Variants in PITPNM3 observed in about 807,000 individuals in gnomAD.
PITPNM3 encodes membrane-associated phosphatidylinositol transfer protein 3.
In PITPNM3, 26 loss-of-function variants were observed where a neutral mutation model predicts 102.0. The ratio of observed to expected loss-of-function variants is 0.25; its 90% CI spans 0.19 to 0.35. The LOEUF (loss-of-function observed/expected upper bound fraction) is 0.35, where lower values mean the gene tolerates loss of function less well. Among genes scored for constraint, PITPNM3 ranks in the 10% least tolerant of loss-of-function variants. The pLI, the probability that PITPNM3 is intolerant of heterozygous loss-of-function variation, is 1.00. For missense variants in PITPNM3, 1,083 were observed against 1,346.1 expected (o/e 0.80, Z 3.06); for synonymous variants, 578 against 558.6 (o/e 1.03, Z -0.49).
Position 6,553,631 on chromosome 17 carries a change from C to T in PITPNM3, c.22+2754G>A, listed in dbSNP as rs115928973. Among the ~76,000 whole-genome samples, 772 of 152,284 alleles carry T rather than the reference C, an allele frequency of 5.1e-3. 7 individuals carry two copies. Among genetic ancestry groups the T allele is most frequent in the African/African-American group, 0.017 (696 of 41,558 alleles). ...TTTCTCTCCGTGGGTGATCTACTGG[C>T]CAGATTTTAAAGGGAACATCTCACA... On this transcript the variant is annotated intron_variant, in intron 1 of 19. Coordinates refer to ENST00000262483, the MANE Select transcript of PITPNM3 (RefSeq NM_031220.4).
rs1904623282 is a variant in PITPNM3, at chr17:6,463,855, T to C, written c.2183A>G (p.Tyr728Cys). ...CATGCCCCTGGGCAACACCGTGAGG[T>C]AGCTCATGGCACAGGTCTGGTCGCC... is the stretch of plus-strand genomic sequence containing the variant. ...VRGDQTCAMS[Y>C]LTVLPRGMEC... The change falls in exon 17 of 20, where the codon TAC (tyrosine) becomes TGC (cysteine). Residue 728 changes from tyrosine (Y) to cysteine (C), a missense_variant. By Grantham distance (194) the Tyr-to-Cys change is radical. Around this residue, in one of 5 missense-constraint regions of PITPNM3, gnomAD observed 410 missense variants for 638.4 expected, o/e 0.64. Transcript: ENST00000262483. 1 of 1,613,980 alleles carries C rather than the reference T, an allele frequency of 6.2e-7. No homozygotes were observed. The highest frequency in any genetic ancestry group is 8.5e-7 in the Non-Finnish European group (1 of 1,179,992).
At chr17:6,530,775 T>C (rs1312168895) in intron 2 of PITPNM3, among the ~76,000 whole-genome samples, 1 of 152,148 alleles carries the variant, frequency 6.6e-6, no homozygotes, top group Non-Finnish European at 1.5e-5. Context: ...TGCTTATGCA[T>C]ATTCATGGAG....
rs750369385 is a variant in PITPNM3, at chr17:6,455,566, C to T, written c.2697G>A (p.Ser899=). ...AGCTGCCCTTGCGCAGGATCATGCG[C>T]GAGTTGTTCTTCTTTGGGCGTGAGC... ...SHRSRPKKNN[S]RMILRKGSFG... Residue 899 remains serine, a synonymous_variant, in exon 20 of 20, where the codon TCG becomes TCA. Coordinates refer to ENST00000262483, the MANE Select transcript of PITPNM3 (RefSeq NM_031220.4). The T allele has an allele frequency of 3.7e-6, 6 of 1,601,086 alleles. No homozygotes were observed. In the East Asian group the frequency reaches 1.3e-4, roughly 36 times the overall value.
intron 1 of PITPNM3, among the ~76,000 whole-genome samples, chr17:6,541,355 C>T (rs1358940810): frequency 2.0e-5 from 3 of 147,904 alleles, no homozygotes; most frequent in African/African-American, 7.6e-5. Flanking sequence ...GTGGGATGGA[C>T]CGGGCAAAAT....
Position 6,451,884 on chromosome 17 carries a change from C to G in PITPNM3, c.*3454G>C, listed in dbSNP as rs879056505. The G allele has an allele frequency of 8.5e-4, 67 of 78,628 alleles. 11 individuals are homozygous for G. The highest frequency in any genetic ancestry group is 2.6e-3 in the Admixed American group (19 of 7,340). 4.9% of individuals were successfully genotyped at this position (78,628 alleles called of 1,614,324 possible). A position where few individuals can be genotyped will look rare whatever the true frequency, so the allele number is the denominator to read the frequency against. On this transcript the variant is annotated 3_prime_UTR_variant, in exon 20 of 20. Coordinates refer to ENST00000262483, the MANE Select transcript of PITPNM3 (RefSeq NM_031220.4). ...CACTTGGCACCCAAACCCCCCCCCC[C>G]CGCCCGCCGATGGGATTCGGTGGGA...
Position 6,457,724 on chromosome 17 carries a change from T to C in PITPNM3, c.2491-2A>G. The C allele has an allele frequency of 1.3e-6, 2 of 1,580,898 alleles. No homozygotes were observed. The highest frequency in any genetic ancestry group is 1.7e-6 in the Non-Finnish European group (2 of 1,162,912). On this transcript the variant is annotated splice_acceptor_variant, in intron 18 of 19. Coordinates refer to ENST00000262483, the MANE Select transcript of PITPNM3 (RefSeq NM_031220.4). LOFTEE classifies it high-confidence loss of function. The surrounding 1 kb of genome is among the most constrained non-coding windows in gnomAD (Gnocchi z 4.7). The stretch of plus-strand genomic sequence containing the variant: ...GGCCGCACTGATTTTGATGAAGCAC[T>C]GAAACACAGGGCAGGCATAGGGGGA...
In PITPNM3 at chr17:6,468,132, G is replaced by A. The variant is rs563880087; in HGVS notation, c.1890+93C>T. ...CTGAGCTCTGAGGACAAATTGAAGC[G>A]CTTACCTCCCATGTGGATGCCCCAG... On this transcript the variant is annotated intron_variant, in intron 14 of 19. Coordinates refer to ENST00000262483, the MANE Select transcript of PITPNM3 (RefSeq NM_031220.4). This position sits in a 1 kb window ranked among gnomAD's most constrained non-coding sequence, Gnocchi z 5.2. The A allele has an allele frequency of 9.7e-5, 119 of 1,220,904 alleles. No individual in the cohort carries two copies. Among genetic ancestry groups the A allele is most frequent in the South Asian group, 3.6e-5 (3 of 82,694 alleles). 75.6% of individuals were successfully genotyped at this position (1,220,904 alleles called of 1,614,324 possible). A position where few individuals can be genotyped will look rare whatever the true frequency, so the allele number is the denominator to read the frequency against.
intron 3 of PITPNM3, among the ~76,000 whole-genome samples, chr17:6,513,752 A>G (rs1464983042): frequency 6.6e-6 from 1 of 152,232 alleles, no homozygotes; most frequent in African/African-American, 2.4e-5. Flanking sequence ...ATCCCTATCA[A>G]AATCCCCACT....
chr17:6,516,790 G>A (rs547509216), intron 3 of PITPNM3, among the ~76,000 whole-genome samples: 29 of 152,232 alleles, frequency 1.9e-4, no homozygotes, highest in Middle Eastern at 3.4e-3. Flanking sequence ...AGCACTTTGG[G>A]AGGCCGAGGT....
At chr17:6,548,752 G>C (rs910971443) in intron 1 of PITPNM3, among the ~76,000 whole-genome samples, 9 of 152,138 alleles carry the variant, frequency 5.9e-5, no homozygotes, top group African/African-American at 2.2e-4. Flanking sequence ...CAGGAGTGCA[G>C]GACGTGACGT....
chr17:6,475,940 G>A (rs566747481), intron 9 of PITPNM3, among the ~76,000 whole-genome samples: 36 of 152,250 alleles, frequency 2.4e-4, no homozygotes, highest in African/African-American at 6.3e-4. Flanking sequence ...CTTCCTCCAG[G>A]AATCCATCCA....
chr17:6,556,309 G>T lies in PITPNM3; in HGVS notation c.22+76C>A. 1 of 1,284,176 alleles carries T rather than the reference G, an allele frequency of 7.8e-7. No individual in the cohort carries two copies. The highest frequency in any genetic ancestry group is 1.0e-6 in the Non-Finnish European group (1 of 974,912). 79.5% of individuals were successfully genotyped at this position (1,284,176 alleles called of 1,614,324 possible). A position where few individuals can be genotyped will look rare whatever the true frequency, so the allele number is the denominator to read the frequency against. ...CCCACCTGCGCGAGGGGTTCACCTG[G>T]GCCGGCGGCCCCTCCTCTAGACGCG... On this transcript the variant is annotated intron_variant, in intron 1 of 19. Coordinates refer to ENST00000262483, the MANE Select transcript of PITPNM3 (RefSeq NM_031220.4). This position sits in a 1 kb window ranked among gnomAD's most constrained non-coding sequence, Gnocchi z 5.2.
At chr17:6,455,951 A>C (rs1367668752) in intron 19 of PITPNM3, among the ~76,000 whole-genome samples, 1 of 151,810 alleles carries the variant, frequency 6.6e-6, no homozygotes, top group Non-Finnish European at 1.5e-5. Context: ...TGCTTTGGAC[A>C]ACCATGCATC....
intron 4 of PITPNM3, among the ~76,000 whole-genome samples, chr17:6,494,102 A>G (rs970529825): frequency 1.3e-5 from 2 of 152,156 alleles, no homozygotes; most frequent in African/African-American, 4.8e-5. Flanking sequence ...CAATCTTCAC[A>G]TTCATCCTGT....
At chr17:6,527,519 T>C (rs1437202691) in intron 2 of PITPNM3, among the ~76,000 whole-genome samples, 1 of 152,196 alleles carries the variant, frequency 6.6e-6, no homozygotes, top group Non-Finnish European at 1.5e-5. Context: ...ATGGGTGTTA[T>C]GCCCCACACT....
At chr17:6,481,114 T>G (rs1296233294) in intron 6 of PITPNM3, 1 of 152,266 alleles carries the variant, frequency 6.6e-6, no homozygotes, top group Non-Finnish European at 1.5e-5. Flanking sequence ...AGAGAGCCCC[T>G]CTTCCAGCCA....
chr17:6,522,286 G>GCGCGCACACACACA (rs145090085), intron 3 of PITPNM3, among the ~76,000 whole-genome samples: 13 of 149,316 alleles, frequency 8.7e-5, no homozygotes, highest in African/African-American at 3.2e-4. Context: ...TTTAGTGTGC[G>GCGCGCACACACACA]CACACACACA....
chr17:6,524,739 C>T (rs2150642924), intron 3 of PITPNM3, among the ~76,000 whole-genome samples: 1 of 152,278 alleles, frequency 6.6e-6, no homozygotes, highest in Middle Eastern at 3.4e-3. Flanking sequence ...GTTGCTCCTG[C>T]CAAGCACTTA....
At chr17:6,464,548 C>T (rs1904663319) in intron 15 of PITPNM3, 107 bp downstream of exon 15, 4 of 1,242,046 alleles carry the variant, frequency 3.2e-6, no homozygotes, top group East Asian at 2.3e-5. Context: ...TGCTTCCACC[C>T]CAGGCAGCTC....
Sources: allele counts gnomAD v4.1 joint callset (sites outside exome capture counted in the v4.1 genomes callset), GRCh38; gene constraint gnomAD v4.1.1; regional missense constraint gnomAD v4.1.1; non-coding constraint Gnocchi (gnomAD v3.1); transcripts MANE v1.5; gene names NCBI Gene and HGNC (gene_info 2026-07-23, HGNC 2026-07-21).